PSD3: variants seen among roughly 807,000 people sequenced by gnomAD.
PSD3 encodes the protein pleckstrin and Sec7 domain containing 3.
PSD3 carries 49 observed loss-of-function variants against 105.5 expected under a neutral mutation model. That is an observed-to-expected ratio of 0.46 (90% CI 0.37 to 0.59). PSD3 has a LOEUF of 0.59. Ranked by LOEUF, PSD3 falls within the 20% of genes least tolerant of loss-of-function variation. The pLI, the probability that PSD3 is intolerant of heterozygous loss-of-function variation, is 0.00. For synonymous variants in PSD3, 557 were observed against 457.8 expected (o/e 1.22, Z -2.77); for missense variants, 1,561 against 1,263.8 (o/e 1.24, Z -3.57).
intron 9 of PSD3, among the ~76,000 whole-genome samples, chr8:18,725,657 T>C (rs1297068755): frequency 6.6e-6 from 1 of 152,180 alleles, no homozygotes; most frequent in Non-Finnish European, 1.5e-5. Context: ...TGAAAGGAAC[T>C]TTTATTTTTC....
intron 1 of PSD3, among the ~76,000 whole-genome samples, chr8:18,966,490 G>A (rs1042044688): frequency 3.3e-5 from 5 of 151,148 alleles, no homozygotes; most frequent in Non-Finnish European, 7.4e-5. Context: ...AGAATTACTT[G>A]AACCTGGGAG....
At chr8:18,604,730 G>C (rs186478310) in intron 11 of PSD3, among the ~76,000 whole-genome samples, 1 of 152,194 alleles carries the variant, frequency 6.6e-6, no homozygotes, top group Non-Finnish European at 1.5e-5. Flanking sequence ...CAGAGCCAGG[G>C]CACTGCTGCC....
intron 9 of PSD3, among the ~76,000 whole-genome samples, chr8:18,711,556 T>C (rs1802258788): frequency 6.6e-6 from 1 of 152,052 alleles, no homozygotes; most frequent in African/African-American, 2.4e-5. Flanking sequence ...CGGTAAAGGA[T>C]GCAATTCAAC....
At chr8:18,623,521 T>C (rs967001037) in intron 11 of PSD3, among the ~76,000 whole-genome samples, 45 of 148,244 alleles carry the variant, frequency 3.0e-4, no homozygotes, top group African/African-American at 1.1e-3. Flanking sequence ...ATGCCTGTAG[T>C]CCCAGCTATC....
intron 9 of PSD3, among the ~76,000 whole-genome samples, chr8:18,669,264 G>A (rs1169882145): frequency 6.6e-6 from 1 of 152,172 alleles, no homozygotes; most frequent in African/African-American, 2.4e-5. Context: ...CCCGATCCTT[G>A]GGGGAATATG....
At chr8:18,925,505 T>C (rs1172010558) in intron 2 of PSD3, among the ~76,000 whole-genome samples, 2 of 152,184 alleles carry the variant, frequency 1.3e-5, no homozygotes, top group Non-Finnish European at 2.9e-5. Context: ...TCTAAAGATA[T>C]ACAGGTTGAG....
chr8:18,714,116 A>G (rs1306312727), intron 9 of PSD3, among the ~76,000 whole-genome samples: 2 of 152,200 alleles, frequency 1.3e-5, no homozygotes, highest in Admixed American at 1.3e-4. Flanking sequence ...CTTATACCTT[A>G]TACAAAAATT....
intron 1 of PSD3, among the ~76,000 whole-genome samples, chr8:18,974,979 G>C (rs946181514): frequency 3.3e-5 from 5 of 152,148 alleles, no homozygotes; most frequent in African/African-American, 1.2e-4. Flanking sequence ...CATGGCATTG[G>C]AGAAAGAGAA....
In PSD3 at chr8:18,744,377, T is replaced by C. The variant is rs78181814; in HGVS notation, c.2172+21072A>G. Reference sequence around the variant, plus strand: ...AGCATGAATAAAGAAGCTATACTCTTAACCCCTTCTCTTCACTTTGCCATC... The same window carrying C: ...AGCATGAATAAAGAAGCTATACTCTCAACCCCTTCTCTTCACTTTGCCATC... On this transcript the variant is annotated intron_variant, in intron 9 of 15. Transcript: ENST00000327040. 7.0e-3 allele frequency among the ~76,000 whole-genome samples: 1,066 copies of C among 152,298 alleles called. 16 individuals carry two copies. The highest frequency in any genetic ancestry group is 0.02 in the African/African-American group (815 of 41,560).
intron 13 of PSD3, among the ~76,000 whole-genome samples, chr8:18,574,226 G>A (rs1266237229): frequency 6.6e-6 from 1 of 152,068 alleles, no homozygotes; most frequent in Non-Finnish European, 1.5e-5. Context: ...AAACAAACCT[G>A]AGACCACTCT....
chr8:18,650,049 A>C (rs1480885861), intron 10 of PSD3, among the ~76,000 whole-genome samples: 1 of 152,234 alleles, frequency 6.6e-6, no homozygotes, highest in African/African-American at 2.4e-5. Flanking sequence ...ACAGACTAAA[A>C]CAGGGAGATT....
intron 4 of PSD3, among the ~76,000 whole-genome samples, chr8:18,805,732 T>C (rs1370619297): frequency 6.6e-6 from 1 of 152,212 alleles, no homozygotes; most frequent in Non-Finnish European, 1.5e-5. Flanking sequence ...AAAAATCATA[T>C]TCACTAATGT....
intron 9 of PSD3, among the ~76,000 whole-genome samples, chr8:18,685,879 T>C (rs937602965): frequency 2.0e-5 from 3 of 152,122 alleles, no homozygotes; most frequent in Non-Finnish European, 4.4e-5. Flanking sequence ...GTAAAAGACA[T>C]GAGCGCCTGC....
intron 14 of PSD3, among the ~76,000 whole-genome samples, chr8:18,559,408 T>C: frequency 6.6e-6 from 1 of 152,212 alleles, no homozygotes; most frequent in Non-Finnish European, 1.5e-5. Context: ...GGGTTTCCTC[T>C]TCTGTGGATT....
intron 10 of PSD3, among the ~76,000 whole-genome samples, chr8:18,641,467 T>A (rs1414834079): frequency 6.6e-6 from 1 of 152,168 alleles, no homozygotes; most frequent in African/African-American, 2.4e-5. Flanking sequence ...AAATACTATA[T>A]GTCTCCACAG....
At chr8:18,799,943 C>T (rs938211715) in intron 7 of PSD3, among the ~76,000 whole-genome samples, 6 of 152,136 alleles carry the variant, frequency 3.9e-5, no homozygotes, top group African/African-American at 1.4e-4. Flanking sequence ...CTAATTATTG[C>T]ACTCATAAAT....
intron 2 of PSD3, among the ~76,000 whole-genome samples, chr8:18,873,959 G>A (rs1172799913): frequency 6.6e-6 from 1 of 152,144 alleles, no homozygotes; most frequent in Non-Finnish European, 1.5e-5. Context: ...TGAAAATGGG[G>A]ACATTCTGAC....
At chr8:18,991,357 C>CACACACACACACAT (rs1563491880) in intron 1 of PSD3, among the ~76,000 whole-genome samples, 2 of 65,920 alleles carry the variant, frequency 3.0e-5, no homozygotes, top group African/African-American at 9.2e-5. Context: ...CACACATACA[C>CACACACACACACAT]ACACACACAC....
At chr8:18,789,737 T>C (rs1809517243) in intron 8 of PSD3, among the ~76,000 whole-genome samples, 1 of 152,174 alleles carries the variant, frequency 6.6e-6, no homozygotes, top group African/African-American at 2.4e-5. Context: ...AGGACTGGCA[T>C]TAAAGTAAGC....
Sources: allele counts gnomAD v4.1 joint callset (sites outside exome capture counted in the v4.1 genomes callset), GRCh38; gene constraint gnomAD v4.1.1; transcripts MANE v1.5; gene names NCBI Gene and HGNC (gene_info 2026-07-23, HGNC 2026-07-21).